Variants in COL4A3 observed in about 807,000 individuals in gnomAD.
The protein encoded by COL4A3 is collagen alpha-3(IV) chain.
A neutral mutation model predicts 217.4 loss-of-function variants in COL4A3; 135 were observed. The ratio of observed to expected loss-of-function variants is 0.62; its 90% CI spans 0.54 to 0.72. The LOEUF (loss-of-function observed/expected upper bound fraction) is 0.72, where lower values mean the gene tolerates loss of function less well. Ranked by LOEUF, COL4A3 falls within the 30% of genes least tolerant of loss-of-function variation. The pLI is 0.00. For synonymous variants in COL4A3, 690 were observed against 736.3 expected, an observed-to-expected ratio of 0.94 and a Z score of 1.02; for missense variants, 1,868 against 2,119.9, an observed-to-expected ratio of 0.88 and a Z score of 2.33.
At chr2:227,183,245 A>C (rs2065913335) in intron 1 of COL4A3, among the ~76,000 whole-genome samples, 1 of 152,322 alleles carries the variant, frequency 6.6e-6, no homozygotes, top group South Asian at 2.1e-4. Context: ...CATGGCCACC[A>C]TAGCAAACCA....
chr2:227,240,561 C>G (rs1328822525), intron 3 of COL4A3, among the ~76,000 whole-genome samples: 1 of 152,210 alleles, frequency 6.6e-6, no homozygotes, highest in Non-Finnish European at 1.5e-5. Context: ...CCTGTCCAAC[C>G]ACCTGTGCCC....
rs116423955 is a variant in COL4A3 at position 227,234,093 on chromosome 2, C to T, written c.88-3875C>T. 2.2e-3 allele frequency among the ~76,000 whole-genome samples: 333 copies of T among 152,204 alleles called. 1 individual carries two copies. Among genetic ancestry groups the T allele is most frequent in the African/African-American group, 6.6e-3 (273 of 41,520 alleles). ...GGGTTGTAATTGGATGGGGGAGAGG[C>T]ATACAGAAGTATCTGGGGTACAGTG... On this transcript the variant is annotated intron_variant, in intron 1 of 51. Transcript: ENST00000396578.
chr2:227,220,267 C>T (rs1349981523), intron 1 of COL4A3, among the ~76,000 whole-genome samples: 1 of 147,956 alleles, frequency 6.8e-6, no homozygotes, highest in Non-Finnish European at 1.5e-5. Context: ...ACTTCAGCCT[C>T]TGCCTCCCAG....
At chr2:227,201,336 A>T (rs992461883) in intron 1 of COL4A3, among the ~76,000 whole-genome samples, 28 of 152,320 alleles carry the variant, frequency 1.8e-4, no homozygotes, top group African/African-American at 6.5e-4. Context: ...GTTTAATAGG[A>T]GTTGACATAG....
intron 41 of COL4A3, 90 bp from the exon 42 acceptor site, chr2:227,297,584 A>G (rs2073084506): frequency 8.1e-7 from 1 of 1,231,756 alleles, no homozygotes; most frequent in African/African-American, 1.5e-5. Flanking sequence ...AACACTTTTA[A>G]GCAAAGTACC....
intron 1 of COL4A3, among the ~76,000 whole-genome samples, chr2:227,212,430 T>TC (rs1190897839): frequency 6.6e-6 from 1 of 152,132 alleles, no homozygotes; most frequent in Non-Finnish European, 1.5e-5. Context: ...AGTCCTTAGT[T>TC]CATTTGGCAT....
At chr2:227,268,428 A>G (rs2071045684) in intron 23 of COL4A3, 1 of 152,248 alleles carries the variant, frequency 6.6e-6, no homozygotes, top group African/African-American at 2.4e-5. Context: ...GTTAATCCAA[A>G]GGTCTACCTG....
chr2:227,246,432 C>T (rs549446923), intron 6 of COL4A3, among the ~76,000 whole-genome samples: 1 of 152,168 alleles, frequency 6.6e-6, no homozygotes, highest in Admixed American at 6.5e-5. Flanking sequence ...TTGAAGGAAA[C>T]AGCAATTAAA....
Position 227,282,418 on chromosome 2 carries a change from A to G in COL4A3, c.2542A>G (p.Arg848Gly). The change falls in exon 32 of 52, where the codon AGA becomes GGA. Residue 848 changes from arginine (R) to glycine (G), a missense_variant. By Grantham distance (125) the Arg-to-Gly change is moderately radical. Coordinates refer to ENST00000396578, the MANE Select transcript of COL4A3 (RefSeq NM_000091.5). The surrounding 1 kb of genome is among the most constrained non-coding windows in gnomAD (Gnocchi z 4.4). The part of the protein sequence containing the change: ...KGDPGIPGLD[R>G]SGFPGETGSP... ...AGACCCAGGAATTCCAGGCTTGGAT[A>G]GATCAGGATTTCCTGGAGAAACTGG... The G allele has an allele frequency of 6.2e-7, 1 of 1,613,942 alleles. No homozygotes were observed.
chr2:227,311,685 A>G (rs2073747211), intron 51 of COL4A3, 101 bp from the exon 52 acceptor site: 1 of 1,240,550 alleles, frequency 8.1e-7, no homozygotes, highest in South Asian at 1.3e-5. Context: ...ACCCTGTAAT[A>G]AATTTCAAAA....
intron 1 of COL4A3, among the ~76,000 whole-genome samples, chr2:227,192,743 G>T (rs1467028092): frequency 6.6e-6 from 1 of 152,198 alleles, no homozygotes; most frequent in Non-Finnish European, 1.5e-5. Context: ...CCCCTGGGGA[G>T]TGAGTGTGAA....
At chr2:227,270,233 T>C (rs1008925628) in intron 24 of COL4A3, among the ~76,000 whole-genome samples, 2 of 152,340 alleles carry the variant, frequency 1.3e-5, no homozygotes, top group South Asian at 2.1e-4. Context: ...CAGAGGTTCA[T>C]TGCAAATAGG....
rs1316595667 is a variant in COL4A3, at chr2:227,290,836, G to A, written c.3160G>A (p.Gly1054Arg). 1.2e-6 allele frequency: 2 copies of A among 1,613,806 alleles called. No individual in the cohort carries two copies. The highest frequency in any genetic ancestry group is 1.1e-5 in the South Asian group (1 of 90,996). The change falls in exon 37 of 52, where the codon GGA becomes AGA. Residue 1054 changes from glycine (G) to arginine (R), a missense_variant. Gly to Arg is a moderately radical substitution (Grantham distance 125). This residue lies in a region of COL4A3 where 1,503 missense variants were observed against 1,786.1 expected (regional missense o/e 0.84). Transcript: ENST00000396578. ...TATTCATGGTCTCCAGGGAGATAAG[G>A]GAGAGCCAGGTTATTCAGAAGGTAC... is the stretch of plus-strand genomic sequence containing the variant. Reference protein sequence around the residue: ...PGIHGLQGDKGEPGYSEGTRP... With the variant: ...PGIHGLQGDKREPGYSEGTRP...
intron 1 of COL4A3, among the ~76,000 whole-genome samples, chr2:227,233,109 G>T (rs1412332447): frequency 6.6e-6 from 1 of 152,148 alleles, no homozygotes; most frequent in Admixed American, 6.5e-5. Context: ...AGCCTCCTGG[G>T]TTCAAGCAAT....
chr2:227,188,978 C>A (rs56148293), intron 1 of COL4A3, among the ~76,000 whole-genome samples: 20,623 of 152,052 alleles, frequency 0.14, 1,495 homozygotes, highest in Admixed American at 0.17. Context: ...TGTCAGAAAA[C>A]CCTTCCCAGA....
chr2:227,213,232 A>G (rs2067393452), intron 1 of COL4A3, among the ~76,000 whole-genome samples: 1 of 152,196 alleles, frequency 6.6e-6, no homozygotes, highest in South Asian at 2.1e-4. Context: ...CCACATGTAT[A>G]AGAGTGTGGA....
chr2:227,186,869 A>G (rs1379663538), intron 1 of COL4A3, among the ~76,000 whole-genome samples: 1 of 151,022 alleles, frequency 6.6e-6, no homozygotes, highest in East Asian at 1.9e-4. Flanking sequence ...ATATCAAGGC[A>G]CTGGCAGATT....
At chr2:227,262,866 T>C (rs2070674916) in intron 20 of COL4A3, among the ~76,000 whole-genome samples, 1 of 152,178 alleles carries the variant, frequency 6.6e-6, no homozygotes, top group Non-Finnish European at 1.5e-5. Context: ...ATTCTAATGT[T>C]TGATAGCACA....
At chr2:227,218,734 T>G (rs984695722) in intron 1 of COL4A3, among the ~76,000 whole-genome samples, 1 of 152,310 alleles carries the variant, frequency 6.6e-6, no homozygotes, top group South Asian at 2.1e-4. Flanking sequence ...AAGGTGGAAA[T>G]AGAATCATCT....
Sources: gnomAD v4.1 joint callset for allele counts (sites outside exome capture counted in the v4.1 genomes callset) on GRCh38, gnomAD v4.1.1 for gene constraint, gnomAD v4.1.1 regional missense constraint, Gnocchi (gnomAD v3.1) non-coding constraint, MANE v1.5 for transcripts, NCBI Gene and HGNC (gene_info 2026-07-23, HGNC 2026-07-21) for gene names.